Variants in PLEK observed in about 807,000 individuals in gnomAD.
The protein encoded by PLEK is platelet 47 kDa protein.
In PLEK, 25 loss-of-function variants were observed where a neutral mutation model predicts 43.9. The ratio of observed to expected loss-of-function variants is 0.57; its 90% confidence interval spans 0.41 to 0.79. The LOEUF (loss-of-function observed/expected upper bound fraction) is 0.79, where lower values mean the gene tolerates loss of function less well. Ranked by LOEUF, PLEK falls within the 30% of genes least tolerant of loss-of-function variation. PLEK has a pLI of 0.00. For synonymous variants in PLEK, 152 were observed against 144.4 expected, an observed-to-expected ratio of 1.05 and a Z score of -0.38; for missense variants, 396 against 413.3, an observed-to-expected ratio of 0.96 and a Z score of 0.36.
intron 4 of PLEK, among the ~76,000 whole-genome samples, chr2:68,384,157 C>G (rs1673690291): frequency 1.3e-4 from 1 of 7,830 alleles, no homozygotes; most frequent in South Asian, 3.8e-3. Flanking sequence ...TCTTCTTGTT[C>G]TCCTTCTCCT....
chr2:68,394,835 G>T (rs888380113), intron 8 of PLEK, among the ~76,000 whole-genome samples: 1 of 152,134 alleles, frequency 6.6e-6, no homozygotes, highest in African/African-American at 2.4e-5. Flanking sequence ...TGTATCTCTG[G>T]GGTGATGTGG....
intron 7 of PLEK, among the ~76,000 whole-genome samples, chr2:68,393,528 C>T (rs912243868): frequency 6.6e-6 from 1 of 152,108 alleles, no homozygotes; most frequent in Admixed American, 6.5e-5. Flanking sequence ...CTGATATTTT[C>T]AGGGGAATTA....
At chr2:68,393,119 G>T (rs767059872) in intron 6 of PLEK, 43 bp from the exon 7 acceptor site, 17 of 1,131,736 alleles carry the variant, frequency 1.5e-5, no homozygotes, top group South Asian at 3.7e-5. Flanking sequence ...GAGTGATGCT[G>T]GGAATTCACC....
Position 68,380,832 on chromosome 2 carries a change from T to C in PLEK, c.308T>C (p.Ile103Thr), listed in dbSNP as rs1268638624. ...GATATCAAGAAGGCCATTAAATGCA[T>C]TGAAGGAGGCCAGAAATTTGCCAGG... ...VRDIKKAIKC[I>T]EGGQKFARKS... The change falls in exon 3 of 9, where the codon ATT becomes ACT. Residue 103 changes from isoleucine (I) to threonine (T), a missense_variant. Transcript: ENST00000234313. 15 of 1,613,948 alleles carry C rather than the reference T, an allele frequency of 9.3e-6. No homozygotes were observed. Among genetic ancestry groups the C allele is most frequent in the Non-Finnish European group, 1.3e-5 (15 of 1,179,946 alleles).
chr2:68,382,741 T>C, intron 4 of PLEK, 108 bp downstream of exon 4: 2 of 640,294 alleles, frequency 3.1e-6, no homozygotes, highest in Non-Finnish European at 5.7e-6. Context: ...TTGGAAGGGG[T>C]CCCAGAATGC....
In PLEK at chr2:68,382,567, A is replaced by G; in HGVS notation, c.406A>G (p.Thr136Ala). ...TGCCTTATATTTGTCCATGAAAGACACTGAAAAAGGAATAAAAGAACTGAA... is the reference window on the plus strand; with the variant it reads ...TGCCTTATATTTGTCCATGAAAGACGCTGAAAAAGGAATAAAAGAACTGAA... ...LGALYLSMKD[T>A]EKGIKELNLE... The change falls in exon 4 of 9, where the codon ACT becomes GCT. Residue 136 changes from threonine (T) to alanine (A), a missense_variant. Transcript: ENST00000234313. 1 of 1,597,818 alleles carries G rather than the reference A, an allele frequency of 6.3e-7. No homozygotes were observed. The highest frequency in any genetic ancestry group is 1.1e-5 in the South Asian group (1 of 90,738).
chr2:68,370,182 T>C (rs971800535), intron 1 of PLEK, among the ~76,000 whole-genome samples: 5 of 152,376 alleles, frequency 3.3e-5, no homozygotes, highest in Non-Finnish European at 7.3e-5. Context: ...CAGTGTAATT[T>C]TCCTTTGAAT....
Position 68,388,483 on chromosome 2 carries a change from C to T in PLEK, c.754C>T (p.Leu252=). The part of the protein sequence containing the change: ...RGVIIKQGCL[L]KQGHRRKNWK... ...GGTCATTATCAAGCAGGGATGTTTA[C>T]TGAAGCAGGTGAGTGGCCACAACTG... The change falls in exon 6 of 9, where the codon CTG becomes TTG. Residue 252 remains leucine (L), a synonymous_variant. Coordinates refer to ENST00000234313, the MANE Select transcript of PLEK (RefSeq NM_002664.3). 2 of 1,573,070 alleles carry T rather than the reference C, an allele frequency of 1.3e-6. No homozygotes were observed. The highest frequency in any genetic ancestry group is 1.8e-6 in the Non-Finnish European group (2 of 1,142,552).
In PLEK at chr2:68,382,591, A is replaced by G. The variant is rs2103773423; in HGVS notation, c.430A>G (p.Asn144Asp). ...CACTGAAAAAGGAATAAAAGAACTGAATCTAGAGAAGGACAAGAAGATTTT... is the reference window on the plus strand; with the variant it reads ...CACTGAAAAAGGAATAAAAGAACTGGATCTAGAGAAGGACAAGAAGATTTT... Reference protein sequence around the residue: ...KDTEKGIKELNLEKDKKIFNH... With the variant: ...KDTEKGIKELDLEKDKKIFNH... The change falls in exon 4 of 9, where the codon AAT becomes GAT. Residue 144 changes from asparagine to aspartate, a missense_variant. Coordinates refer to ENST00000234313, the MANE Select transcript of PLEK (RefSeq NM_002664.3). The G allele has an allele frequency of 6.2e-7, 1 of 1,605,872 alleles. No individual in the cohort carries two copies.
At chr2:68,393,997 TG>T in intron 7 of PLEK, 109 bp from the exon 8 acceptor site, 3 of 728,378 alleles carry the variant, frequency 4.1e-6, no homozygotes, top group Admixed American at 1.9e-5. Flanking sequence ...TTACTTATTT[TG>T]GGGGGCCCTG....
At chr2:68,391,213 C>T (rs1673852838) in intron 6 of PLEK, among the ~76,000 whole-genome samples, 1 of 151,162 alleles carries the variant, frequency 6.6e-6, no homozygotes, top group Non-Finnish European at 1.5e-5. Flanking sequence ...TCCAACTCTT[C>T]AACACGTCAC....
At chr2:68,393,725 C>T (rs1673905137) in intron 7 of PLEK, among the ~76,000 whole-genome samples, 1 of 152,190 alleles carries the variant, frequency 6.6e-6, no homozygotes, top group Non-Finnish European at 1.5e-5. Context: ...CCGCTTGCAG[C>T]ACTGGGCTAT....
chr2:68,370,460 GTTTATTTTTGTTTTTATT>G (rs1258214841), intron 1 of PLEK, among the ~76,000 whole-genome samples: 1 of 152,074 alleles, frequency 6.6e-6, no homozygotes, highest in African/African-American at 2.4e-5. Flanking sequence ...ATAGGGTCTT[GTTTATTTTTGTTTTTATT>G]TTTATTTTAT....
intron 3 of PLEK, 137 bp downstream of exon 3, chr2:68,381,041 T>C (rs1673603720): frequency 4.0e-6 from 3 of 743,728 alleles, no homozygotes; most frequent in Admixed American, 2.5e-5. Flanking sequence ...CTTGGTGTAC[T>C]AAAATGTTTA....
Position 68,383,467 on chromosome 2 carries a change from AGCCAGGGCAGAGGATGAGCAGAGGATGG to A in PLEK, c.472+893_472+920del, listed in dbSNP as rs760436050. Among the ~76,000 whole-genome samples, 394 of 151,834 alleles carry A rather than the reference AGCCAGGGCAGAGGATGAGCAGAGGATGG, an allele frequency of 2.6e-3. 4 individuals are homozygous for A. Among genetic ancestry groups the A allele is most frequent in the African/African-American group, 8.2e-3 (338 of 41,356 alleles). On this transcript the variant is annotated intron_variant, in intron 4 of 8. Transcript: ENST00000234313. ...ATTTACAGGAGGATTTTTAATGAGG[AGCCAGGGCAGAGGATGAGCAGAGGATGG>A]GCCAGGGCAGAGGATGAGCAGAGGA... is the stretch of plus-strand genomic sequence containing the variant.
intron 1 of PLEK, among the ~76,000 whole-genome samples, chr2:68,367,911 A>G (rs1214351381): frequency 6.6e-6 from 1 of 152,238 alleles, no homozygotes; most frequent in African/African-American, 2.4e-5. Context: ...CCTGGGTAGT[A>G]ACAGAGAACA....
intron 1 of PLEK, among the ~76,000 whole-genome samples, chr2:68,368,794 T>C (rs1408534923): frequency 2.0e-5 from 3 of 152,252 alleles, no homozygotes; most frequent in Non-Finnish European, 4.4e-5. Context: ...TAGAGGTTTA[T>C]GGAGCAAGCT....
intron 1 of PLEK, among the ~76,000 whole-genome samples, chr2:68,368,241 A>G (rs569167574): frequency 2.8e-4 from 43 of 152,348 alleles, no homozygotes; most frequent in Non-Finnish European, 4.4e-5. Context: ...TCTTTGCCTC[A>G]GAGTCTTTCA....
intron 1 of PLEK, among the ~76,000 whole-genome samples, chr2:68,366,645 G>A (rs1673279893): frequency 6.6e-6 from 1 of 152,178 alleles, no homozygotes; most frequent in Non-Finnish European, 1.5e-5. Flanking sequence ...GAATAAGTGG[G>A]CCCTCAGCTG....
Sources: gnomAD v4.1 joint callset for allele counts (sites outside exome capture counted in the v4.1 genomes callset) on GRCh38, gnomAD v4.1.1 for gene constraint, MANE v1.5 for transcripts, NCBI Gene and HGNC (gene_info 2026-07-23, HGNC 2026-07-21) for gene names.